The following MFSD11 variants were observed in gnomAD, a reference collection of about 807,000 sequenced individuals.
MFSD11 encodes UNC93-like protein MFSD11.
A neutral mutation model predicts 53.5 loss-of-function variants in MFSD11; 36 were observed. The ratio of observed to expected loss-of-function variants is 0.67; its 90% CI spans 0.52 to 0.89. The LOEUF is 0.89. Ranked by LOEUF, MFSD11 falls within the 40% of genes least tolerant of loss-of-function variation. MFSD11 has a pLI of 0.00. For synonymous variants in MFSD11, 186 were observed against 184.9 expected (o/e 1.01, Z -0.05); for missense variants, 530 against 543.9 (o/e 0.97, Z 0.25).
At chr17:76,747,943 T>G (rs998146078) in intron 7 of MFSD11, 5 of 152,210 alleles carry the variant, frequency 3.3e-5, no homozygotes, top group African/African-American at 9.7e-5. Flanking sequence ...CACAGACTTG[T>G]GGCAGCCCTC....
downstream of MFSD11, among the ~76,000 whole-genome samples, chr17:76,780,861 C>G (rs556803983): frequency 6.6e-6 from 1 of 152,266 alleles, no homozygotes; most frequent in South Asian, 2.1e-4. Flanking sequence ...CTGATATAAC[C>G]TCCATTGGCT....
At chr17:76,743,348 A>G (rs755216500) in intron 5 of MFSD11, 50 bp from the exon 6 acceptor site, 13 of 1,190,152 alleles carry the variant, frequency 1.1e-5, no homozygotes, top group Non-Finnish European at 1.6e-5. Context: ...AAAAAACTAT[A>G]AATATTAAAA....
At chr17:76,793,048 A>AGGCAAAT in the MFSD11 span, among the ~76,000 whole-genome samples, 1 of 151,522 alleles carries the variant, frequency 6.6e-6, no homozygotes, top group African/African-American at 2.5e-5. Context: ...GAATATCACA[A>AGGCAAAT]GGCAAATGGA....
downstream of MFSD11, among the ~76,000 whole-genome samples, chr17:76,786,088 A>C (rs537975063): frequency 4.6e-5 from 7 of 151,440 alleles, no homozygotes; most frequent in East Asian, 5.9e-4. Context: ...AAAAAAAAAA[A>C]AAAACAGAGG....
chr17:76,768,846 G>A (rs1170773792), intron 9 of MFSD11, among the ~76,000 whole-genome samples: 3 of 151,954 alleles, frequency 2.0e-5, no homozygotes, highest in African/African-American at 7.3e-5. Flanking sequence ...TTACCCGGGT[G>A]TGGTGGTGCA....
intron 7 of MFSD11, among the ~76,000 whole-genome samples, chr17:76,746,024 A>G (rs976946103): frequency 3.1e-4 from 47 of 152,178 alleles, no homozygotes; most frequent in South Asian, 2.1e-4. Context: ...AAGCTGAGAC[A>G]GGCTGAAAGC....
chr17:76,798,669 C>T, the MFSD11 span, among the ~76,000 whole-genome samples: 1 of 151,986 alleles, frequency 6.6e-6, no homozygotes, highest in Non-Finnish European at 1.5e-5. Flanking sequence ...AAGGTCTGAG[C>T]CTCAAGGTGA....
Position 76,776,688 on chromosome 17 carries a change from TG to T in MFSD11, c.1185+149del. ...TAGAGTCTCTCTCTGTCACTCAGGCTGGAGTGCAGTAGCGCAATCTTGACTC... is the reference window on the plus strand; with the variant it reads ...TAGAGTCTCTCTCTGTCACTCAGGCTGAGTGCAGTAGCGCAATCTTGACTC... On this transcript the variant is annotated intron_variant, in intron 12 of 12. Coordinates refer to ENST00000685175, the MANE Select transcript of MFSD11 (RefSeq NM_001242532.5). The surrounding 1 kb of genome is among the most constrained non-coding windows in gnomAD (Gnocchi z 4.2). 1 of 786,720 alleles carries T rather than the reference TG, an allele frequency of 1.3e-6. No individual in the cohort carries two copies. Among genetic ancestry groups the T allele is most frequent in the Non-Finnish European group, 1.8e-6 (1 of 548,854 alleles). The allele number at this position is 786,720 out of a possible 1,614,324, so 48.7% of individuals were successfully genotyped here. A position where few individuals can be genotyped will look rare whatever the true frequency, so the allele number is the denominator to read the frequency against.
At chr17:76,758,382 A>C (rs2079855504) in intron 8 of MFSD11, among the ~76,000 whole-genome samples, 1 of 152,036 alleles carries the variant, frequency 6.6e-6, no homozygotes, top group Non-Finnish European at 1.5e-5. Context: ...CAGGAGTTTG[A>C]GAGTAGTCTG....
rs755038695 is a variant in MFSD11, at chr17:76,738,257, C to G, written c.-96C>G. 25 of 785,806 alleles carry G rather than the reference C, an allele frequency of 3.2e-5. No individual in the cohort carries two copies. Among genetic ancestry groups the G allele is most frequent in the Non-Finnish European group, 1.3e-5 (6 of 461,506 alleles). 48.7% of individuals were successfully genotyped at this position (785,806 alleles called of 1,614,324 possible). On this transcript the variant is annotated 5_prime_UTR_variant, in exon 1 of 13. Coordinates refer to ENST00000685175, the MANE Select transcript of MFSD11 (RefSeq NM_001242532.5). ...CTGGCTCCTGCATCTGCCTTCTCCACTCACCATCTCATTTCTTTCTCCAGG... is the reference window on the plus strand; with the variant it reads ...CTGGCTCCTGCATCTGCCTTCTCCAGTCACCATCTCATTTCTTTCTCCAGG...
chr17:76,769,720 C>A, intron 9 of MFSD11, 26 bp from the exon 10 acceptor site: 1 of 1,550,064 alleles, frequency 6.5e-7, no homozygotes, highest in Non-Finnish European at 8.7e-7. Flanking sequence ...ATATAAATGA[C>A]ATCTGTTTTT....
At position 76,778,215 on chromosome 17, in the gene MFSD11, T is replaced by G; in HGVS notation, c.1213T>G (p.Tyr405Asp). 6.2e-7 allele frequency: 1 copy of G among 1,614,242 alleles called. No individual in the cohort carries two copies. ...TATTTGCGCAGCCGTGGCATTTTTC[T>G]ACAGCAACTACCTTCTCCTTCACTG... ...QSICAAVAFFYSNYLLLHWQL... is the reference protein window; with the variant it reads ...QSICAAVAFFDSNYLLLHWQL... The change falls in exon 13 of 13, where the codon TAC (tyrosine) becomes GAC (aspartate). Residue 405 changes from tyrosine (Y) to aspartate (D), a missense_variant. Coordinates refer to ENST00000685175, the MANE Select transcript of MFSD11 (RefSeq NM_001242532.5).
chr17:76,765,451 CCTT>C (rs2080746395), intron 8 of MFSD11, among the ~76,000 whole-genome samples: 1 of 130,322 alleles, frequency 7.7e-6, no homozygotes, highest in African/African-American at 3.0e-5. Context: ...CCTTGAATTT[CCTT>C]TTTTTTTTTT....
chr17:76,748,719 G>T (rs11867318), intron 7 of MFSD11, among the ~76,000 whole-genome samples: 6,260 of 43,168 alleles, frequency 0.15, 399 homozygotes, highest in African/African-American at 0.21. Context: ...TCTCAAGTGC[G>T]TAATTTGCAT....
chr17:76,801,595 C>T, the MFSD11 span, among the ~76,000 whole-genome samples: 1 of 151,866 alleles, frequency 6.6e-6, no homozygotes, highest in Non-Finnish European at 1.5e-5. Flanking sequence ...TACAGTCATG[C>T]ACCACCACGC....
chr17:76,776,610 T>C lies in MFSD11; in HGVS notation c.1185+69T>C. Reference sequence around the variant, plus strand: ...CCTTTGTGTATTGCCTTGTTTTCCTTGGTTACTTGTATTGTGGTTTTAATT... The same window carrying C: ...CCTTTGTGTATTGCCTTGTTTTCCTCGGTTACTTGTATTGTGGTTTTAATT... On this transcript the variant is annotated intron_variant, in intron 12 of 12. Coordinates refer to ENST00000685175, the MANE Select transcript of MFSD11 (RefSeq NM_001242532.5). This position sits in a 1 kb window ranked among gnomAD's most constrained non-coding sequence, Gnocchi z 4.2. The C allele has an allele frequency of 7.0e-7, 1 of 1,419,584 alleles. No homozygotes were observed. The highest frequency in any genetic ancestry group is 9.5e-7 in the Non-Finnish European group (1 of 1,055,106). The allele number at this position is 1,419,584 out of a possible 1,614,324, so 87.9% of individuals were successfully genotyped here.
chr17:76,764,252 T>A (rs1007125809), intron 8 of MFSD11, among the ~76,000 whole-genome samples: 1 of 152,194 alleles, frequency 6.6e-6, no homozygotes, highest in Non-Finnish European at 1.5e-5. Flanking sequence ...TTTTTTTGCA[T>A]GTGTAATGAG....
At chr17:76,751,054 G>A (rs985152376) in intron 7 of MFSD11, among the ~76,000 whole-genome samples, 30 of 151,760 alleles carry the variant, frequency 2.0e-4, no homozygotes, top group Admixed American at 8.5e-4. Context: ...ACCCGCCTTG[G>A]CCTCCCAGAG....
intron 7 of MFSD11, among the ~76,000 whole-genome samples, chr17:76,747,768 C>T (rs928323939): frequency 3.3e-5 from 5 of 152,160 alleles, no homozygotes; most frequent in African/African-American, 4.8e-5. Context: ...GGACAAATGC[C>T]GCCCATCCCT....
Sources: allele counts gnomAD v4.1 joint callset (sites outside exome capture counted in the v4.1 genomes callset), GRCh38; gene constraint gnomAD v4.1.1; non-coding constraint Gnocchi (gnomAD v3.1); transcripts MANE v1.5; gene names NCBI Gene and HGNC (gene_info 2026-07-23, HGNC 2026-07-21).